Variants in MYT1L observed in about 807,000 individuals in gnomAD.
The protein encoded by MYT1L is myelin transcription factor 1 like, also known as myelin transcription factor 1-like protein.
MYT1L carries 12 observed loss-of-function variants against 126.7 expected under a neutral mutation model. The observed-to-expected ratio is 0.09, with a 90% CI of 0.06 to 0.15. MYT1L has a LOEUF of 0.15. MYT1L is among the 10% of genes least tolerant of loss of function. The probability of loss-of-function intolerance (pLI) is 1.00; values close to 1 mark genes in which losing one functional copy is unlikely to be tolerated. For missense variants in MYT1L, 979 were observed against 1,585.2 expected (o/e 0.62, Z 6.49); for synonymous variants, 541 against 604.2 (o/e 0.90, Z 1.53).
Position 2,004,750 on chromosome 2 carries a change from G to GCGTTCTTTCCTGAATA in MYT1L, c.-157-7419_-157-7404dup, listed in dbSNP as rs1272061348. On this transcript the variant is annotated intron_variant, in intron 4 of 24. Transcript: ENST00000647738. Reference sequence around the variant, plus strand: ...TTCCTGCGTGCCTTCTTTCCTGCAGGCGTTCTTTCCTGAATACGTTCTTTC... The same window carrying GCGTTCTTTCCTGAATA: ...TTCCTGCGTGCCTTCTTTCCTGCAGGCGTTCTTTCCTGAATACGTTCTTTCCTGAATACGTTCTTTC... Among the ~76,000 whole-genome samples the GCGTTCTTTCCTGAATA allele has an allele frequency of 3.4e-4, 35 of 103,846 alleles. 2 individuals carry two copies. Among genetic ancestry groups the GCGTTCTTTCCTGAATA allele is most frequent in the African/African-American group, 1.6e-3 (32 of 19,724 alleles). 68.1% of individuals were successfully genotyped at this position (103,846 alleles called of 152,430 possible).
chr2:2,002,770 T>C (rs930106114), intron 4 of MYT1L, among the ~76,000 whole-genome samples: 20 of 152,162 alleles, frequency 1.3e-4, no homozygotes, highest in African/African-American at 4.6e-4. Context: ...TGGAGGTAAC[T>C]GGATCACGGG....
intron 2 of MYT1L, among the ~76,000 whole-genome samples, chr2:2,273,092 G>C (rs906679995): frequency 6.6e-6 from 1 of 152,086 alleles, no homozygotes; most frequent in Admixed American, 6.5e-5. Flanking sequence ...GCCTGGCTTT[G>C]TGTCCACATG....
intron 3 of MYT1L, among the ~76,000 whole-genome samples, chr2:2,088,631 A>G (rs907156118): frequency 2.4e-5 from 3 of 127,052 alleles, no homozygotes; most frequent in African/African-American, 3.3e-5. Flanking sequence ...GATTTACTGG[A>G]AAAAAAAAAA....
intron 4 of MYT1L, among the ~76,000 whole-genome samples, chr2:2,037,812 A>AAC (rs1553436350): frequency 2.0e-5 from 3 of 151,686 alleles, no homozygotes; most frequent in African/African-American, 4.8e-5. Flanking sequence ...AACAAAAAAA[A>AAC]AACCCCCTAC....
intron 1 of MYT1L, among the ~76,000 whole-genome samples, chr2:2,329,551 C>A (rs567440442): frequency 3.3e-5 from 5 of 151,880 alleles, no homozygotes; most frequent in East Asian, 1.9e-4. Flanking sequence ...TCTTTAAATG[C>A]ACAATTAATA....
intron 21 of MYT1L, among the ~76,000 whole-genome samples, chr2:1,815,619 C>G (rs1057324055): frequency 3.3e-5 from 5 of 152,240 alleles, no homozygotes; most frequent in Non-Finnish European, 5.9e-5. Context: ...CACTCTGATT[C>G]TGAGGAGGGA....
chr2:2,212,805 G>C (rs1189662080), intron 2 of MYT1L, among the ~76,000 whole-genome samples: 2 of 152,070 alleles, frequency 1.3e-5, no homozygotes, highest in Non-Finnish European at 1.5e-5. Flanking sequence ...CCAAAGAACT[G>C]GTGTTACTTT....
intron 21 of MYT1L, among the ~76,000 whole-genome samples, chr2:1,835,066 T>C (rs1161331125): frequency 1.4e-5 from 2 of 139,338 alleles, no homozygotes; most frequent in East Asian, 4.0e-4. Flanking sequence ...TGGATACAGG[T>C]GCTCCTCCAT....
At chr2:1,824,465 A>C (rs2039011845) in intron 21 of MYT1L, 2 of 152,414 alleles carry the variant, frequency 1.3e-5, no homozygotes, top group Admixed American at 6.5e-5. Flanking sequence ...ATCCCAGAGA[A>C]GGCTGAGCAC....
In MYT1L at chr2:2,296,736, C is replaced by T. The variant is rs533707038; in HGVS notation, c.-520-12233G>A. Among the ~76,000 whole-genome samples the T allele has an allele frequency of 8.5e-4, 130 of 152,246 alleles. 2 individuals are homozygous for T. The Middle Eastern group carries it at 0.02, about 24-fold the overall frequency. ...CCTCCTGCTGCCCCAGGGCACCATG[C>T]GTCCCTCTAGTAAAGAGAAGCTGGT... On this transcript the variant is annotated intron_variant, in intron 1 of 24. Transcript: ENST00000647738.
In MYT1L at chr2:1,979,042, A is replaced by T; in HGVS notation, c.152+123T>A. The stretch of plus-strand genomic sequence containing the variant: ...AAGACTGAGTTCCAGTGTGAGAAGA[A>T]AAAGAAGGCATAATGTGTATTGCTT... On this transcript the variant is annotated intron_variant, in intron 8 of 24. Transcript: ENST00000647738. This position sits in a 1 kb window ranked among gnomAD's most constrained non-coding sequence, Gnocchi z 4.0. The T allele has an allele frequency of 1.3e-6, 1 of 743,558 alleles. No homozygotes were observed. Among genetic ancestry groups the T allele is most frequent in the Non-Finnish European group, 2.3e-6 (1 of 441,786 alleles). 46.1% of individuals were successfully genotyped at this position (743,558 alleles called of 1,614,324 possible). A position where few individuals can be genotyped will look rare whatever the true frequency, so the allele number is the denominator to read the frequency against.
intron 2 of MYT1L, among the ~76,000 whole-genome samples, chr2:2,174,572 C>T (rs2090489194): frequency 1.3e-5 from 2 of 150,552 alleles, no homozygotes; most frequent in Admixed American, 6.6e-5. Context: ...AGACTCCCTC[C>T]CAGACAACGC....
At chr2:1,925,671 G>A (rs530032201) in intron 9 of MYT1L, among the ~76,000 whole-genome samples, 5 of 152,242 alleles carry the variant, frequency 3.3e-5, no homozygotes, top group African/African-American at 7.2e-5. Context: ...TCTGGAGACC[G>A]GCAGAACGCG....
At chr2:2,283,770 T>A (rs1391701134) in intron 2 of MYT1L, among the ~76,000 whole-genome samples, 3 of 152,208 alleles carry the variant, frequency 2.0e-5, no homozygotes, top group African/African-American at 7.2e-5. Context: ...ATACAAATGA[T>A]TCCCAAGGAT....
chr2:2,096,255 T>C (rs2077457174), intron 3 of MYT1L, among the ~76,000 whole-genome samples: 1 of 152,206 alleles, frequency 6.6e-6, no homozygotes, highest in Non-Finnish European at 1.5e-5. Context: ...AAGCTCTCAC[T>C]TGCTGCTCAC....
chr2:2,000,146 CA>C (rs895734834), intron 4 of MYT1L, among the ~76,000 whole-genome samples: 11 of 152,172 alleles, frequency 7.2e-5, no homozygotes, highest in Admixed American at 1.3e-4. Flanking sequence ...CCTCCCTGGG[CA>C]GGAGCAGGGC....
Position 1,950,364 on chromosome 2 carries a change from T to C in MYT1L, c.153-7030A>G, listed in dbSNP as rs150278945. On this transcript the variant is annotated intron_variant, in intron 8 of 24. Coordinates refer to ENST00000647738, the MANE Select transcript of MYT1L (RefSeq NM_001303052.2). ...CATAAATATGTGCTGAGTGAATACA[T>C]TGCATGATTGATTTATTCCTTTATT... 1.5e-3 allele frequency among the ~76,000 whole-genome samples: 223 copies of C among 152,224 alleles called. 1 individual carries two copies. The highest frequency in any genetic ancestry group is 5.2e-3 in the African/African-American group (214 of 41,534).
At chr2:2,094,491 T>C (rs1053364216) in intron 3 of MYT1L, among the ~76,000 whole-genome samples, 6 of 152,176 alleles carry the variant, frequency 3.9e-5, no homozygotes, top group Non-Finnish European at 8.8e-5. Flanking sequence ...ATTGCGGCAC[T>C]ATTTACAATA....
chr2:2,204,517 A>G lies in MYT1L; in HGVS notation c.-420-31529T>C, dbSNP rs1249979627. Among the ~76,000 whole-genome samples, 3 of 145,570 alleles carry G rather than the reference A, an allele frequency of 2.1e-5. 1 individual carries two copies. Among genetic ancestry groups the G allele is most frequent in the East Asian group, 2.0e-4 (1 of 5,074 alleles). ...CCAAAAAACACATGAAAAAATGCTC[A>G]CCATCACTGGCCATCAGAGAAATGC... is the stretch of plus-strand genomic sequence containing the variant. On this transcript the variant is annotated intron_variant, in intron 2 of 24. Coordinates refer to ENST00000647738, the MANE Select transcript of MYT1L (RefSeq NM_001303052.2).
Sources: gnomAD v4.1 joint callset for allele counts (sites outside exome capture counted in the v4.1 genomes callset) on GRCh38, gnomAD v4.1.1 for gene constraint, Gnocchi (gnomAD v3.1) non-coding constraint, MANE v1.5 for transcripts, NCBI Gene and HGNC (gene_info 2026-07-23, HGNC 2026-07-21) for gene names.